Variants in PTPRN2 observed in about 807,000 individuals in gnomAD.
PTPRN2 encodes protein tyrosine phosphatase receptor type N2, also known as receptor-type tyrosine-protein phosphatase N2.
A neutral mutation model predicts 118.8 loss-of-function variants in PTPRN2; 74 were observed. That is an observed-to-expected ratio of 0.62 (90% CI 0.52 to 0.76). PTPRN2 has a LOEUF of 0.76. PTPRN2 is among the 30% of genes least tolerant of loss of function. The pLI is 0.00. For missense variants in PTPRN2, 1,481 were observed against 1,394.4 expected (o/e 1.06, Z -0.99); for synonymous variants, 641 against 608.0 (o/e 1.05, Z -0.80).
At chr7:158,079,861 T>C (rs1812661119) in intron 11 of PTPRN2, among the ~76,000 whole-genome samples, 1 of 151,848 alleles carries the variant, frequency 6.6e-6, no homozygotes, top group Non-Finnish European at 1.5e-5. Flanking sequence ...CCAGCTGGAG[T>C]GAGGATGCTG....
At chr7:158,178,543 T>A (rs1824412494) in intron 5 of PTPRN2, among the ~76,000 whole-genome samples, 1 of 150,956 alleles carries the variant, frequency 6.6e-6, no homozygotes, top group Admixed American at 6.6e-5. Context: ...TTCTTTTTCG[T>A]GGCTGAGTAG....
rs980904752 is a variant in PTPRN2 at position 158,000,498 on chromosome 7, CTTT to C, written c.1723+80797_1723+80799del. ...CACACCTTTCCTTCTTCCTCCTCCT[CTTT>C]ATTTCTTAACAGGAAGCTGCCTGAC... On this transcript the variant is annotated intron_variant, in intron 11 of 22. Transcript: ENST00000389418. Among the ~76,000 whole-genome samples, 8 of 151,324 alleles carry C rather than the reference CTTT, an allele frequency of 5.3e-5. No homozygotes were observed. In the East Asian group the frequency reaches 6.0e-4, roughly 11 times the overall value.
At chr7:158,342,021 C>T (rs1424024824) in intron 2 of PTPRN2, among the ~76,000 whole-genome samples, 1 of 127,338 alleles carries the variant, frequency 7.9e-6, no homozygotes, top group East Asian at 2.4e-4. Flanking sequence ...TCACTCACAC[C>T]CACACTCTCA....
intron 12 of PTPRN2, among the ~76,000 whole-genome samples, chr7:157,888,055 C>CT (rs1554482908): frequency 1.8e-3 from 199 of 108,776 alleles, no homozygotes; most frequent in African/African-American, 5.2e-3. Flanking sequence ...CGCACGCTGT[C>CT]TTGGGGGGTG....
At chr7:157,872,753 C>T (rs1811185369) in intron 12 of PTPRN2, among the ~76,000 whole-genome samples, 1 of 152,242 alleles carries the variant, frequency 6.6e-6, no homozygotes, top group Non-Finnish European at 1.5e-5. Context: ...AGTCCACATG[C>T]CCCTCCTTGG....
chr7:158,149,459 C>T (rs1820691913), intron 6 of PTPRN2, among the ~76,000 whole-genome samples: 1 of 149,466 alleles, frequency 6.7e-6, no homozygotes, highest in Non-Finnish European at 1.5e-5. Context: ...AAAAAAAATC[C>T]TTATTTTTAA....
Position 157,632,341 on chromosome 7 carries a change from C to T in PTPRN2, c.2197-10832G>A, listed in dbSNP as rs1191987740. Among the ~76,000 whole-genome samples the T allele has an allele frequency of 2.6e-5, 4 of 152,172 alleles. No individual in the cohort carries two copies. Among genetic ancestry groups the T allele is most frequent in the Admixed American group, 2.0e-4 (3 of 15,276 alleles). On this transcript the variant is annotated intron_variant, in intron 14 of 22. Coordinates refer to ENST00000389418, the MANE Select transcript of PTPRN2 (RefSeq NM_002847.5). This position sits in a 1 kb window ranked among gnomAD's most constrained non-coding sequence, Gnocchi z 4.3. Reference sequence around the variant, plus strand: ...CCTCGATTTCAGTTTATGACTTCCACTAAACTTCTGTTACACATTTACAGA... The same window carrying T: ...CCTCGATTTCAGTTTATGACTTCCATTAAACTTCTGTTACACATTTACAGA...
chr7:157,651,944 G>A (rs1563304833), intron 14 of PTPRN2, among the ~76,000 whole-genome samples: 1 of 152,096 alleles, frequency 6.6e-6, no homozygotes, highest in Non-Finnish European at 1.5e-5. Context: ...GGTGAGCCTC[G>A]ACTCAGCTTC....
At position 158,022,016 on chromosome 7, in the gene PTPRN2, A is replaced by G. The variant is rs1806915899; in HGVS notation, c.1723+59282T>C. 1.3e-5 allele frequency among the ~76,000 whole-genome samples: 2 copies of G among 152,206 alleles called. No homozygotes were observed. Among genetic ancestry groups the G allele is most frequent in the African/African-American group, 2.4e-5 (1 of 41,546 alleles). ...CTGAGCCGGGCAGCCTCGCCCATCC[A>G]CCATGAGGCGAGACCCCACACTCCA... On this transcript the variant is annotated intron_variant, in intron 11 of 22. Coordinates refer to ENST00000389418, the MANE Select transcript of PTPRN2 (RefSeq NM_002847.5). This position sits in a 1 kb window ranked among gnomAD's most constrained non-coding sequence, Gnocchi z 4.6.
intron 1 of PTPRN2, among the ~76,000 whole-genome samples, chr7:158,540,790 A>G (rs746752787): frequency 1.5e-4 from 23 of 152,120 alleles, no homozygotes; most frequent in Non-Finnish European, 2.1e-4. Context: ...GGAAGAACCA[A>G]CAAGTTCTCG....
intron 2 of PTPRN2, among the ~76,000 whole-genome samples, chr7:158,329,240 G>A (rs976475990): frequency 6.6e-6 from 1 of 152,304 alleles, no homozygotes. Context: ...TGGGAGGTGA[G>A]GAGCAGGCTA....
Position 157,549,313 on chromosome 7 carries a change from CTTTCT to C in PTPRN2, c.2903-299_2903-295del, listed in dbSNP as rs772870591. On this transcript the variant is annotated intron_variant, in intron 21 of 22. Transcript: ENST00000389418. The stretch of plus-strand genomic sequence containing the variant: ...ACCAAAGCTGTACTGGTTTTCTTTT[CTTTCT>C]TTTCTTTTTTTTTTTTTTTGTGACA... Among the ~76,000 whole-genome samples, 9 of 135,442 alleles carry C rather than the reference CTTTCT, an allele frequency of 6.6e-5. No individual in the cohort carries two copies. The East Asian group carries it at 7.9e-4, about 12-fold the overall frequency. 88.9% of individuals were successfully genotyped at this position (135,442 alleles called of 152,430 possible).
intron 12 of PTPRN2, among the ~76,000 whole-genome samples, chr7:157,713,436 T>G (rs1252133967): frequency 6.6e-6 from 1 of 152,228 alleles, no homozygotes; most frequent in Non-Finnish European, 1.5e-5. Context: ...GAAATTTATC[T>G]AACGGCATGA....
intron 4 of PTPRN2, among the ~76,000 whole-genome samples, chr7:158,193,633 CGATGGGCATGGCCTCCCTAGG>C (rs1328450070): frequency 1.3e-5 from 2 of 152,022 alleles, no homozygotes; most frequent in South Asian, 2.1e-4. Context: ...GCCTGGGACA[CGATGGGCATGGCCTCCCTAGG>C]GATGGGCATG....
chr7:158,240,317 A>C (rs906914840), intron 3 of PTPRN2, among the ~76,000 whole-genome samples: 2 of 152,230 alleles, frequency 1.3e-5, no homozygotes, highest in African/African-American at 4.8e-5. Flanking sequence ...TTTAAATAAA[A>C]ATGCAGAGGA....
intron 6 of PTPRN2, among the ~76,000 whole-genome samples, chr7:158,138,816 C>T (rs1002204817): frequency 4.6e-5 from 7 of 152,192 alleles, no homozygotes; most frequent in Non-Finnish European, 7.4e-5. Context: ...ACTGGAATGA[C>T]CAAGCCAGGA....
Position 158,587,661 on chromosome 7 carries a change from C to G in PTPRN2, c.9G>C (p.Pro3=). 1 of 1,345,642 alleles carries G rather than the reference C, an allele frequency of 7.4e-7. No homozygotes were observed. The highest frequency in any genetic ancestry group is 9.5e-7 in the Non-Finnish European group (1 of 1,051,090). 83.4% of individuals were successfully genotyped at this position (1,345,642 alleles called of 1,614,324 possible). The change falls in exon 1 of 23, where the codon CCG becomes CCC. Residue 3 remains proline, a synonymous_variant. Transcript: ENST00000389418. ...GTAGCAGCAGCAGCAGCGGGAGCGG[C>G]GGCCCCATCCCCGCGGCCTGGCCGG... MG[P]PLPLLLLLLL...
intron 11 of PTPRN2, among the ~76,000 whole-genome samples, chr7:157,997,750 G>A (rs984786990): frequency 6.6e-6 from 1 of 150,832 alleles, no homozygotes; most frequent in Non-Finnish European, 1.5e-5. Flanking sequence ...GGACCCTGTG[G>A]AGCCCCCAGA....
chr7:157,546,111 C>T (rs188310269), intron 22 of PTPRN2, among the ~76,000 whole-genome samples: 57 of 152,246 alleles, frequency 3.7e-4, no homozygotes, highest in African/African-American at 1.3e-3. Flanking sequence ...CTCCTGAACA[C>T]ACACCCTGAG....
Sources: allele counts gnomAD v4.1 joint callset (sites outside exome capture counted in the v4.1 genomes callset), GRCh38; gene constraint gnomAD v4.1.1; non-coding constraint Gnocchi (gnomAD v3.1); transcripts MANE v1.5; gene names NCBI Gene and HGNC (gene_info 2026-07-23, HGNC 2026-07-21).